The following GPC5 variants were observed in gnomAD, a reference collection of about 807,000 sequenced individuals.
GPC5 encodes the protein glypican-5.
In GPC5, 47 loss-of-function variants were observed where a neutral mutation model predicts 53.9. That is an observed-to-expected ratio of 0.87 (90% confidence interval 0.69 to 1.11). GPC5 has a LOEUF of 1.11. GPC5 is among the 50% of genes most tolerant of loss of function. GPC5 has a pLI of 0.00. For synonymous variants in GPC5, 286 were observed against 263.3 expected, an observed-to-expected ratio of 1.09 and a Z score of -0.84; for missense variants, 748 against 713.1, an observed-to-expected ratio of 1.05 and a Z score of -0.56.
At chr13:92,002,694 G>A (rs2040566126) in intron 6 of GPC5, among the ~76,000 whole-genome samples, 1 of 152,088 alleles carries the variant, frequency 6.6e-6, no homozygotes, top group African/African-American at 2.4e-5. Flanking sequence ...AAACAAGATA[G>A]GAATGGAACA....
intron 7 of GPC5, among the ~76,000 whole-genome samples, chr13:92,451,344 C>G (rs1021104003): frequency 6.6e-6 from 1 of 152,126 alleles, no homozygotes; most frequent in Non-Finnish European, 1.5e-5. Flanking sequence ...AATGAACAAT[C>G]TGGTCTAGGT....
In GPC5 at chr13:92,045,244, G is replaced by A. The variant is rs534840832; in HGVS notation, c.1402-99586G>A. Among the ~76,000 whole-genome samples, 25 of 152,254 alleles carry A rather than the reference G, an allele frequency of 1.6e-4. No homozygotes were observed. The South Asian group carries it at 2.9e-3, about 18-fold the overall frequency. ...GCAAGATTCAAGAGTAAAATGTGTC[G>A]TGCTTACAGGCAAGCAATTTCCAAG... is the stretch of plus-strand genomic sequence containing the variant. On this transcript the variant is annotated intron_variant, in intron 6 of 7. Coordinates refer to ENST00000377067, the MANE Select transcript of GPC5 (RefSeq NM_004466.6).
intron 7 of GPC5, among the ~76,000 whole-genome samples, chr13:92,265,844 T>C (rs1366357080): frequency 6.6e-6 from 1 of 152,158 alleles, no homozygotes; most frequent in Admixed American, 6.6e-5. Context: ...AACCAAAACT[T>C]ACTGGCTTAT....
Position 92,631,041 on chromosome 13 carries a change from G to A in GPC5, c.1562-235241G>A, listed in dbSNP as rs372420212. Among the ~76,000 whole-genome samples, 18 of 152,032 alleles carry A rather than the reference G, an allele frequency of 1.2e-4. 2 individuals carry two copies. The highest frequency in any genetic ancestry group is 4.3e-4 in the African/African-American group (18 of 41,514). On this transcript the variant is annotated intron_variant, in intron 7 of 7. Coordinates refer to ENST00000377067, the MANE Select transcript of GPC5 (RefSeq NM_004466.6). ...TCATTTTTGAACACAAAAGCCACTGGCTTTGGAGTATAAAACATAAACATA... is the reference window on the plus strand; with the variant it reads ...TCATTTTTGAACACAAAAGCCACTGACTTTGGAGTATAAAACATAAACATA...
At chr13:91,916,682 T>A (rs1227408473) in intron 6 of GPC5, among the ~76,000 whole-genome samples, 1 of 152,156 alleles carries the variant, frequency 6.6e-6, no homozygotes, top group Non-Finnish European at 1.5e-5. Flanking sequence ...TGACTCACAG[T>A]TGTGCATTGC....
chr13:91,889,789 T>C (rs556839892), intron 5 of GPC5, among the ~76,000 whole-genome samples: 1 of 152,342 alleles, frequency 6.6e-6, no homozygotes, highest in East Asian at 1.9e-4. Flanking sequence ...GACATACTAC[T>C]TGACCTCAAC....
chr13:91,838,037 A>G (rs72647288), intron 5 of GPC5, among the ~76,000 whole-genome samples: 4,576 of 152,282 alleles, frequency 0.03, 104 homozygotes, highest in Middle Eastern at 0.075. Context: ...TGCATTCAAC[A>G]GTCAAGTGAC....
At chr13:92,464,631 A>C (rs1878620958) in intron 7 of GPC5, among the ~76,000 whole-genome samples, 1 of 152,068 alleles carries the variant, frequency 6.6e-6, no homozygotes, top group Admixed American at 6.6e-5. Context: ...GCATGGTATA[A>C]AATTTATTCT....
chr13:91,830,085 G>A (rs952519925), intron 5 of GPC5, among the ~76,000 whole-genome samples: 29 of 150,926 alleles, frequency 1.9e-4, no homozygotes, highest in African/African-American at 7.0e-4. Flanking sequence ...AGTGCTATGG[G>A]AGATGGGGGT....
intron 7 of GPC5, among the ~76,000 whole-genome samples, chr13:92,474,147 GTTTT>G (rs3064719): frequency 6.8e-6 from 1 of 148,002 alleles, no homozygotes; most frequent in African/African-American, 2.5e-5. Flanking sequence ...CCATTGATCT[GTTTT>G]TTTTTTTTTC....
intron 7 of GPC5, among the ~76,000 whole-genome samples, chr13:92,527,189 GAAAGAAAGA>G (rs1443718611): frequency 5.5e-5 from 1 of 18,208 alleles, no homozygotes; most frequent in Non-Finnish European, 8.6e-5. Context: ...AAAGAAGAAA[GAAAGAAAGA>G]AAGAAAGAAA....
At chr13:91,752,773 G>C (rs945685770) in intron 4 of GPC5, among the ~76,000 whole-genome samples, 2 of 152,138 alleles carry the variant, frequency 1.3e-5, no homozygotes, top group African/African-American at 4.8e-5. Context: ...AAGTTCCAAG[G>C]TTACATCTTT....
At chr13:92,697,524 T>A (rs1887593939) in intron 7 of GPC5, among the ~76,000 whole-genome samples, 2 of 152,216 alleles carry the variant, frequency 1.3e-5, no homozygotes, top group South Asian at 4.1e-4. Context: ...GGAATGCTTG[T>A]GATTTTTGCA....
intron 7 of GPC5, among the ~76,000 whole-genome samples, chr13:92,301,556 C>T (rs1003789221): frequency 2.0e-5 from 3 of 151,996 alleles, no homozygotes; most frequent in African/African-American, 7.2e-5. Flanking sequence ...CTAAAGTGAG[C>T]ATAATTCCAC....
intron 7 of GPC5, among the ~76,000 whole-genome samples, chr13:92,385,767 G>A (rs1195338886): frequency 5.2e-5 from 4 of 76,698 alleles, no homozygotes; most frequent in South Asian, 3.5e-4. Context: ...ATATATATAC[G>A]TATATATACA....
chr13:92,774,627 C>A (rs2138753471), intron 7 of GPC5, among the ~76,000 whole-genome samples: 1 of 152,258 alleles, frequency 6.6e-6, no homozygotes, highest in African/African-American at 2.4e-5. Context: ...ATACTGACTT[C>A]TCTTAATCAT....
intron 1 of GPC5, among the ~76,000 whole-genome samples, chr13:91,433,842 C>T (rs1879689399): frequency 6.6e-6 from 1 of 151,948 alleles, no homozygotes; most frequent in Admixed American, 6.6e-5. Context: ...TCCTATTTCT[C>T]CACATCCTCT....
chr13:92,628,264 C>CTTTCTTTTTTTTTT (rs1885115304), intron 7 of GPC5, among the ~76,000 whole-genome samples: 2 of 45,338 alleles, frequency 4.4e-5, no homozygotes, highest in African/African-American at 7.3e-5. Flanking sequence ...CTTTTTCTTT[C>CTTTCTTTTTTTTTT]TTTTTTTTTT....
At chr13:91,745,873 G>C (rs896663818) in intron 4 of GPC5, among the ~76,000 whole-genome samples, 1 of 152,110 alleles carries the variant, frequency 6.6e-6, no homozygotes, top group Admixed American at 6.5e-5. Context: ...CAAGAAACGA[G>C]ACTTCCATTC....
Sources: allele counts gnomAD v4.1 joint callset (sites outside exome capture counted in the v4.1 genomes callset), GRCh38; gene constraint gnomAD v4.1.1; transcripts MANE v1.5; gene names NCBI Gene and HGNC (gene_info 2026-07-23, HGNC 2026-07-21).